The following SLC25A27 variants were observed in gnomAD, a reference collection of about 807,000 sequenced individuals.
SLC25A27 encodes the protein mitochondrial uncoupling protein 4.
In SLC25A27, 35 loss-of-function variants were observed where a neutral mutation model predicts 49.1. The observed-to-expected ratio is 0.71, with a 90% CI of 0.54 to 0.95. SLC25A27 has a LOEUF of 0.95. Among genes scored for constraint, SLC25A27 ranks in the 40% least tolerant of loss-of-function variants. The pLI, the probability that SLC25A27 is intolerant of heterozygous loss-of-function variation, is 0.00. For synonymous variants in SLC25A27, 144 were observed against 136.9 expected (o/e 1.05, Z -0.36); for missense variants, 339 against 397.1 (o/e 0.85, Z 1.24).
In SLC25A27 at chr6:46,656,318, C is replaced by G. The variant is rs1479158229; in HGVS notation, c.298+284C>G. On this transcript the variant is annotated intron_variant, in intron 2 of 8. Coordinates refer to ENST00000371347, the MANE Select transcript of SLC25A27 (RefSeq NM_004277.5). ...GACTCAGCCTCCTGAGTAGCTGGGA[C>G]TACAGGTGCACGCCACCACACCCAG... Among the ~76,000 whole-genome samples, 5 of 149,816 alleles carry G rather than the reference C, an allele frequency of 3.3e-5. 1 individual carries two copies. The highest frequency in any genetic ancestry group is 1.2e-4 in the African/African-American group (5 of 40,692).
intron 4 of SLC25A27, among the ~76,000 whole-genome samples, chr6:46,663,956 G>A (rs1455100480): frequency 6.6e-6 from 1 of 152,168 alleles, no homozygotes; most frequent in Non-Finnish European, 1.5e-5. Flanking sequence ...CTTAGTAAGT[G>A]CTCCATAAAT....
In SLC25A27 at chr6:46,664,838, G is replaced by T; in HGVS notation, c.571G>T (p.Ala191Ser). 6.2e-7 allele frequency: 1 copy of T among 1,608,140 alleles called. No homozygotes were observed. The highest frequency in any genetic ancestry group is 1.1e-5 in the South Asian group (1 of 90,156). The change falls in exon 5 of 9, where the codon GCA becomes TCA. Residue 191 changes from alanine (A) to serine (S), a missense_variant. Ala to Ser is a moderately conservative substitution (Grantham distance 99). Coordinates refer to ENST00000371347, the MANE Select transcript of SLC25A27 (RefSeq NM_004277.5). ...LAEGGIRGLW[A>S]GWVPNIQRAA... is the part of the protein sequence containing the mutation. ...TGAAGGAGGAATACGAGGGCTTTGGGCAGGCTGGGTACCCAATATACAAAG... is the reference window on the plus strand; with the variant it reads ...TGAAGGAGGAATACGAGGGCTTTGGTCAGGCTGGGTACCCAATATACAAAG...
At chr6:46,670,317 A>T in intron 7 of SLC25A27, 90 bp downstream of exon 7, 1 of 846,606 alleles carries the variant, frequency 1.2e-6, no homozygotes. Context: ...TTATTGATAG[A>T]AATGTATTTG....
At position 46,677,004 on chromosome 6, in the gene SLC25A27, C is replaced by A; in HGVS notation, c.*550C>A. On this transcript the variant is annotated 3_prime_UTR_variant, in exon 9 of 9. Transcript: ENST00000371347. ...TTAATGAATAAACATTTTGAGTTTC[C>A]CTAGTGTTGAAGGAAGGTGTACTTT... 1 of 286,718 alleles carries A rather than the reference C, an allele frequency of 3.5e-6. No homozygotes were observed. The highest frequency in any genetic ancestry group is 6.5e-6 in the Non-Finnish European group (1 of 154,030). 17.8% of individuals were successfully genotyped at this position (286,718 alleles called of 1,614,324 possible). A position where few individuals can be genotyped will look rare whatever the true frequency, so the allele number is the denominator to read the frequency against.
intron 5 of SLC25A27, among the ~76,000 whole-genome samples, chr6:46,668,316 T>C (rs1411554340): frequency 6.6e-6 from 1 of 152,212 alleles, no homozygotes; most frequent in Non-Finnish European, 1.5e-5. Flanking sequence ...CAAGCCTGTG[T>C]GACAGAGACC....
In SLC25A27 at chr6:46,662,247, C is replaced by A. The variant is rs772940476; in HGVS notation, c.384-129C>A. 8.8e-5 allele frequency: 65 copies of A among 739,344 alleles called. No individual in the cohort carries two copies. In the African/African-American group the frequency reaches 1.0e-3, roughly 12 times the overall value. The allele number at this position is 739,344 out of a possible 1,614,324, so 45.8% of individuals were successfully genotyped here. A position where few individuals can be genotyped will look rare whatever the true frequency, so the allele number is the denominator to read the frequency against. On this transcript the variant is annotated intron_variant, in intron 3 of 8. Transcript: ENST00000371347. Reference sequence around the variant, plus strand: ...ACTGTTTACTTTACTCTGTGACTTACTTGGGTATATCCTTTTCTTTACTTG... The same window carrying A: ...ACTGTTTACTTTACTCTGTGACTTAATTGGGTATATCCTTTTCTTTACTTG...
At position 46,676,575 on chromosome 6, in the gene SLC25A27, A is replaced by T; in HGVS notation, c.*121A>T. 6.3e-7 allele frequency: 1 copy of T among 1,581,944 alleles called. No individual in the cohort carries two copies. Among genetic ancestry groups the T allele is most frequent in the East Asian group, 2.3e-5 (1 of 42,960 alleles). The stretch of plus-strand genomic sequence containing the variant: ...GAAGACACCTATTCCACAGAGACTG[A>T]TTTATAGGGGGCAGCACTTTATTTT... On this transcript the variant is annotated 3_prime_UTR_variant, in exon 9 of 9. Coordinates refer to ENST00000371347, the MANE Select transcript of SLC25A27 (RefSeq NM_004277.5).
At chr6:46,653,447 C>T (rs1762839834) in intron 1 of SLC25A27, 149 bp downstream of exon 1, 1 of 1,430,656 alleles carries the variant, frequency 7.0e-7, no homozygotes, top group Non-Finnish European at 9.1e-7. Flanking sequence ...GGAGGCCAGG[C>T]CCGCGGTGGG....
intron 3 of SLC25A27, among the ~76,000 whole-genome samples, chr6:46,661,353 G>C (rs1409608085): frequency 1.3e-5 from 2 of 152,182 alleles, no homozygotes; most frequent in Admixed American, 1.3e-4. Context: ...TCTAGCAAAT[G>C]TTATGTAAAT....
intron 1 of SLC25A27, among the ~76,000 whole-genome samples, chr6:46,654,974 C>T (rs1427677537): frequency 1.3e-5 from 2 of 152,040 alleles, no homozygotes; most frequent in Admixed American, 6.6e-5. Context: ...TTATTCAGGA[C>T]GTTTTCTGTA....
chr6:46,674,216 C>A (rs1018094193), intron 8 of SLC25A27, among the ~76,000 whole-genome samples: 1 of 152,056 alleles, frequency 6.6e-6, no homozygotes, highest in Non-Finnish European at 1.5e-5. Flanking sequence ...GTACTTAATA[C>A]GTGCAAAGCT....
At chr6:46,673,198 C>T (rs985329109) in intron 8 of SLC25A27, among the ~76,000 whole-genome samples, 1 of 152,180 alleles carries the variant, frequency 6.6e-6, no homozygotes, top group African/African-American at 2.4e-5. Flanking sequence ...TAAATAAATA[C>T]TACTGAATCA....
chr6:46,659,928 G>A (rs1027141094), intron 3 of SLC25A27, among the ~76,000 whole-genome samples: 2 of 151,246 alleles, frequency 1.3e-5, no homozygotes, highest in Non-Finnish European at 2.9e-5. Context: ...TAACCTCTCA[G>A]CTGGACCACT....
chr6:46,658,956 A>G lies in SLC25A27; in HGVS notation c.299-6A>G, dbSNP rs1444584410. The G allele has an allele frequency of 6.2e-7, 1 of 1,605,620 alleles. No individual in the cohort carries two copies. On this transcript the variant is annotated splice_polypyrimidine_tract_variant and splice_region_variant and intron_variant, in intron 2 of 8. Coordinates refer to ENST00000371347, the MANE Select transcript of SLC25A27 (RefSeq NM_004277.5). ...AGTTACCTTTTTAATGATCTTTTTT[A>G]CCCAGTGTATTCTGGAGGTCGAATG...
Position 46,653,169 on chromosome 6 carries a change from G to C in SLC25A27, c.-24G>C, listed in dbSNP as rs757257995. On this transcript the variant is annotated 5_prime_UTR_variant, in exon 1 of 9. Transcript: ENST00000371347. ...GCAGCGCAGCGGCGAGAAGGAGTGC[G>C]TTATCGTCTTGCGCTACTGCTGAAT... 6.2e-7 allele frequency: 1 copy of C among 1,602,778 alleles called. No individual in the cohort carries two copies. Among genetic ancestry groups the C allele is most frequent in the Non-Finnish European group, 8.5e-7 (1 of 1,171,836 alleles).
intron 5 of SLC25A27, among the ~76,000 whole-genome samples, chr6:46,666,639 C>G (rs1763334842): frequency 6.6e-6 from 1 of 152,132 alleles, no homozygotes; most frequent in Non-Finnish European, 1.5e-5. Context: ...AATTTCTCTT[C>G]CAAGTTCCAG....
At chr6:46,666,740 A>G (rs1763338293) in intron 5 of SLC25A27, among the ~76,000 whole-genome samples, 1 of 152,146 alleles carries the variant, frequency 6.6e-6, no homozygotes, top group Non-Finnish European at 1.5e-5. Context: ...ATTCTTTCTT[A>G]GTATGAGAAA....
rs755220034 is a variant in SLC25A27, at chr6:46,670,116, C to T, written c.705-19C>T. 6.5e-7 allele frequency: 1 copy of T among 1,546,208 alleles called. No individual in the cohort carries two copies. The highest frequency in any genetic ancestry group is 8.9e-7 in the Non-Finnish European group (1 of 1,126,478). On this transcript the variant is annotated intron_variant, in intron 6 of 8. Coordinates refer to ENST00000371347, the MANE Select transcript of SLC25A27 (RefSeq NM_004277.5). ...ACTACTACATACCATCTTTCAATTT[C>T]ATTTATTTGTATTTATAGTTTATGT...
At chr6:46,665,213 C>G (rs189239542) in intron 5 of SLC25A27, among the ~76,000 whole-genome samples, 15 of 152,264 alleles carry the variant, frequency 9.9e-5, no homozygotes, top group Admixed American at 4.6e-4. Context: ...GCTATCTGAT[C>G]ATTATTATAT....
Sources: allele counts gnomAD v4.1 joint callset (sites outside exome capture counted in the v4.1 genomes callset), GRCh38; gene constraint gnomAD v4.1.1; transcripts MANE v1.5; gene names NCBI Gene and HGNC (gene_info 2026-07-23, HGNC 2026-07-21).